MFHAS1: variants seen among roughly 807,000 people sequenced by gnomAD.
The protein encoded by MFHAS1 is multifunctional ROCO family signaling regulator 1.
In MFHAS1, 50 loss-of-function variants were observed where a neutral mutation model predicts 70.4. The ratio of observed to expected loss-of-function variants is 0.71; its 90% confidence interval spans 0.57 to 0.90. The LOEUF (loss-of-function observed/expected upper bound fraction) is 0.90. MFHAS1 is among the 40% of genes least tolerant of loss of function. The pLI is 0.00. For missense variants in MFHAS1, 1,795 were observed against 1,347.6 expected (o/e 1.33, Z -5.20); for synonymous variants, 952 against 620.0 (o/e 1.54, Z -7.96).
rs538794668 is a variant in MFHAS1, at chr8:8,843,014, C to G, written c.2999-45523G>C. On this transcript the variant is annotated intron_variant, in intron 1 of 2. Coordinates refer to ENST00000276282, the MANE Select transcript of MFHAS1 (RefSeq NM_004225.3). ...GGCGCGGTGGCTCACGCCTGTAATC[C>G]CAGCACTTTGGGAGGCCGAGGCGGG... Among the ~76,000 whole-genome samples, 668 of 152,248 alleles carry G rather than the reference C, an allele frequency of 4.4e-3. 4 individuals are homozygous for G. The highest frequency in any genetic ancestry group is 7.3e-3 in the Admixed American group (112 of 15,300).
At chr8:8,870,469 G>A (rs530061870) in intron 1 of MFHAS1, among the ~76,000 whole-genome samples, 51 of 152,008 alleles carry the variant, frequency 3.4e-4, no homozygotes, top group African/African-American at 1.2e-3. Flanking sequence ...CTGTCTCCCA[G>A]GAAAACAAAA....
At chr8:8,802,619 A>T (rs1806120165) in intron 1 of MFHAS1, among the ~76,000 whole-genome samples, 1 of 152,182 alleles carries the variant, frequency 6.6e-6, no homozygotes, top group Non-Finnish European at 1.5e-5. Flanking sequence ...GTTACAAGGA[A>T]TGAAGGGTAG....
At chr8:8,824,973 G>A (rs1807102404) in intron 1 of MFHAS1, among the ~76,000 whole-genome samples, 1 of 152,340 alleles carries the variant, frequency 6.6e-6, no homozygotes, top group Non-Finnish European at 1.5e-5. Context: ...CAGGTTCCCA[G>A]GCTAGACTCC....
At chr8:8,865,344 C>G (rs1446290009) in intron 1 of MFHAS1, among the ~76,000 whole-genome samples, 1 of 150,996 alleles carries the variant, frequency 6.6e-6, no homozygotes, top group Non-Finnish European at 1.5e-5. Context: ...AATTATTTCC[C>G]CATAAAAACC....
At chr8:8,801,138 C>A (rs11986392) in intron 1 of MFHAS1, among the ~76,000 whole-genome samples, 26,690 of 151,848 alleles carry the variant, frequency 0.18, 3,509 homozygotes, top group African/African-American at 0.37. Context: ...TCGCTTGAAC[C>A]TGGGAAGTGG....
intron 1 of MFHAS1, among the ~76,000 whole-genome samples, chr8:8,852,512 C>A (rs1415105446): frequency 1.3e-5 from 2 of 151,958 alleles, no homozygotes; most frequent in Non-Finnish European, 2.9e-5. Context: ...AACACACACA[C>A]CCACAAGAGG....
At chr8:8,849,270 A>C (rs944625253) in intron 1 of MFHAS1, among the ~76,000 whole-genome samples, 6 of 151,840 alleles carry the variant, frequency 4.0e-5, no homozygotes, top group African/African-American at 1.5e-4. Context: ...TAATAGAGAC[A>C]GGGTTTTGCC....
intron 1 of MFHAS1, among the ~76,000 whole-genome samples, chr8:8,846,157 G>A (rs1323269532): frequency 1.3e-5 from 2 of 151,074 alleles, no homozygotes; most frequent in African/African-American, 4.9e-5. Flanking sequence ...GGAAGCTGAG[G>A]CAGGAGAATC....
intron 1 of MFHAS1, among the ~76,000 whole-genome samples, chr8:8,867,591 G>A (rs1275215538): frequency 6.7e-6 from 1 of 149,090 alleles, no homozygotes; most frequent in Non-Finnish European, 1.5e-5. Context: ...GTGGAGTCTC[G>A]CTGTCTCCTA....
chr8:8,855,253 G>T (rs569115757), intron 1 of MFHAS1, among the ~76,000 whole-genome samples: 1 of 152,166 alleles, frequency 6.6e-6, no homozygotes, highest in African/African-American at 2.4e-5. Context: ...ACACTCAGCC[G>T]ACATCCTGTA....
In MFHAS1 at chr8:8,891,740, C is replaced by G. The variant is rs1346934118; in HGVS notation, c.1319G>C (p.Gly440Ala). ...TGGGTAGCACTTCTCCTTGTCCCCT[C>G]CTCCTGGGCATCCCTCCACTCTCTC... ...TEERVEGCPG[G>A]GDKEKCYPPS... The change falls in exon 1 of 3, where the codon GGA becomes GCA. Residue 440 changes from glycine to alanine, a missense_variant. Transcript: ENST00000276282. The surrounding 1 kb of genome is among the most constrained non-coding windows in gnomAD (Gnocchi z 5.4). 1 of 1,613,484 alleles carries G rather than the reference C, an allele frequency of 6.2e-7. No individual in the cohort carries two copies. The highest frequency in any genetic ancestry group is 1.1e-5 in the South Asian group (1 of 91,086).
At chr8:8,841,745 G>C (rs1292047784) in intron 1 of MFHAS1, among the ~76,000 whole-genome samples, 1 of 152,158 alleles carries the variant, frequency 6.6e-6, no homozygotes, top group Non-Finnish European at 1.5e-5. Flanking sequence ...AAGCCTTCCA[G>C]ACCCCACATG....
At position 8,891,430 on chromosome 8, in the gene MFHAS1, T is replaced by C. The variant is rs1222145460; in HGVS notation, c.1629A>G (p.Gly543=). The C allele has an allele frequency of 5.0e-6, 8 of 1,612,792 alleles. No individual in the cohort carries two copies. Among genetic ancestry groups the C allele is most frequent in the Non-Finnish European group, 6.8e-6 (8 of 1,180,030 alleles). The change falls in exon 1 of 3, where the codon GGA becomes GGG. Residue 543 remains glycine, a synonymous_variant. Coordinates refer to ENST00000276282, the MANE Select transcript of MFHAS1 (RefSeq NM_004225.3). This position sits in a 1 kb window ranked among gnomAD's most constrained non-coding sequence, Gnocchi z 5.4. ...CIVGTHADLC[G]ERELEEKCLD... ...GACATTTCTCCTCCAGCTCACGCTC[T>C]CCGCACAGGTCTGCGTGGGTGCCCA...
chr8:8,866,321 T>C (rs1054741692), intron 1 of MFHAS1, among the ~76,000 whole-genome samples: 4 of 151,684 alleles, frequency 2.6e-5, no homozygotes, highest in African/African-American at 4.8e-5. Context: ...CTTTTTTGTT[T>C]TTTTTTTTTT....
At chr8:8,884,094 AAAATT>A (rs1027607496) in intron 1 of MFHAS1, among the ~76,000 whole-genome samples, 2 of 151,662 alleles carry the variant, frequency 1.3e-5, no homozygotes, top group African/African-American at 4.9e-5. Flanking sequence ...AAAGAAAAAA[AAAATT>A]AAAGAAAAAA....
At position 8,869,611 on chromosome 8, in the gene MFHAS1, C is replaced by A. The variant is rs530953741; in HGVS notation, c.2998+20450G>T. Among the ~76,000 whole-genome samples the A allele has an allele frequency of 9.8e-5, 15 of 152,294 alleles. No homozygotes were observed. The East Asian group carries it at 2.9e-3, about 29-fold the overall frequency. ...CCATCATAAGAGGGTGGCTACACGA[C>A]CCTAATAAACCAATTAAGCTAGCAG... On this transcript the variant is annotated intron_variant, in intron 1 of 2. Transcript: ENST00000276282.
At chr8:8,881,583 T>C (rs1468346707) in intron 1 of MFHAS1, among the ~76,000 whole-genome samples, 1 of 152,204 alleles carries the variant, frequency 6.6e-6, no homozygotes. Context: ...ACGCCTGTAA[T>C]CCCACTTTGG....
chr8:8,871,594 A>T (rs562360074), intron 1 of MFHAS1, among the ~76,000 whole-genome samples: 1 of 152,278 alleles, frequency 6.6e-6, no homozygotes, highest in East Asian at 1.9e-4. Flanking sequence ...CTATTCATTC[A>T]TTTCCCCCTC....
intron 1 of MFHAS1, among the ~76,000 whole-genome samples, chr8:8,877,880 C>T (rs531964314): frequency 1.2e-4 from 19 of 152,330 alleles, no homozygotes; most frequent in African/African-American, 3.8e-4. Context: ...AAAGAAGTCT[C>T]TCCCTTACTA....
Sources: gnomAD v4.1 joint callset for allele counts (sites outside exome capture counted in the v4.1 genomes callset) on GRCh38, gnomAD v4.1.1 for gene constraint, Gnocchi (gnomAD v3.1) non-coding constraint, MANE v1.5 for transcripts, NCBI Gene and HGNC (gene_info 2026-07-23, HGNC 2026-07-21) for gene names.